Variants in SLC28A3 observed in about 807,000 individuals in gnomAD.
SLC28A3 encodes concentrative Na(+)-nucleoside cotransporter 3.
A neutral mutation model predicts 84.2 loss-of-function variants in SLC28A3; 68 were observed. That is an observed-to-expected ratio of 0.81 (90% confidence interval 0.66 to 0.99). The LOEUF (loss-of-function observed/expected upper bound fraction) is 0.99. Ranked by LOEUF, SLC28A3 falls within the 50% of genes least tolerant of loss-of-function variation. The pLI is 0.00. For missense variants in SLC28A3, 712 were observed against 841.5 expected, an observed-to-expected ratio of 0.85 and a Z score of 1.90; for synonymous variants, 267 against 303.6, an observed-to-expected ratio of 0.88 and a Z score of 1.25.
the SLC28A3 span, among the ~76,000 whole-genome samples, chr9:84,348,838 G>T: frequency 2.0e-5 from 3 of 152,140 alleles, no homozygotes; most frequent in African/African-American, 7.2e-5. Flanking sequence ...GCAGCACAAA[G>T]GCCCTCTCCA....
At chr9:84,294,137 T>G in intron 9 of SLC28A3, 58 bp downstream of exon 9, 1 of 1,545,384 alleles carries the variant, frequency 6.5e-7, no homozygotes, top group South Asian at 1.2e-5. Flanking sequence ...CCTTGAGGAC[T>G]TCGTGCCTGA....
At chr9:84,299,446 G>A in intron 6 of SLC28A3, 135 bp downstream of exon 6, 1 of 1,105,674 alleles carries the variant, frequency 9.0e-7, no homozygotes, top group Non-Finnish European at 1.3e-6. Flanking sequence ...AGGGCACCCT[G>A]GTCACGTTAA....
chr9:84,346,232 C>T, the SLC28A3 span, among the ~76,000 whole-genome samples: 1 of 152,176 alleles, frequency 6.6e-6, no homozygotes, highest in African/African-American at 2.4e-5. Context: ...AACTCATGGA[C>T]TGTCTACGCA....
intron 1 of SLC28A3, among the ~76,000 whole-genome samples, chr9:84,320,633 G>C (rs188735832): frequency 1.2e-4 from 18 of 152,186 alleles, no homozygotes; most frequent in African/African-American, 4.3e-4. Context: ...ACCTACTATG[G>C]GACGGACACT....
At chr9:84,281,013 C>T in intron 14 of SLC28A3, 131 bp from the exon 15 acceptor site, 1 of 797,686 alleles carries the variant, frequency 1.3e-6, no homozygotes, top group Non-Finnish European at 2.0e-6. Context: ...GTATCAAATA[C>T]CCATTACTCC....
intron 3 of SLC28A3, among the ~76,000 whole-genome samples, 192 bp downstream of exon 3, chr9:84,309,437 C>T (rs1224221423): frequency 3.5e-5 from 5 of 142,582 alleles, no homozygotes; most frequent in African/African-American, 5.3e-5. Context: ...ATGGGAGAAT[C>T]GCTTGAACTT....
At chr9:84,317,239 G>C (rs4877844) in intron 1 of SLC28A3, among the ~76,000 whole-genome samples, 54,439 of 152,024 alleles carry the variant, frequency 0.36, 13,943 homozygotes, top group African/African-American at 0.71. Flanking sequence ...ACACAGTAGT[G>C]TGCCTAGGAA....
chr9:84,323,899 G>A (rs898917225), intron 1 of SLC28A3, among the ~76,000 whole-genome samples: 5 of 151,844 alleles, frequency 3.3e-5, no homozygotes, highest in Admixed American at 6.6e-5. Context: ...CTGATCTCTC[G>A]CCAAGGTCTA....
At chr9:84,357,961 A>G in the SLC28A3 span, among the ~76,000 whole-genome samples, 4 of 152,222 alleles carry the variant, frequency 2.6e-5, no homozygotes, top group African/African-American at 4.8e-5. Context: ...AGGCAGATGT[A>G]CAGAGAATCC....
intron 3 of SLC28A3, among the ~76,000 whole-genome samples, chr9:84,308,802 G>A (rs1043733336): frequency 1.3e-5 from 2 of 152,140 alleles, no homozygotes; most frequent in Non-Finnish European, 2.9e-5. Flanking sequence ...TAGTTGACTT[G>A]GGGAAGTCAC....
At chr9:84,279,908 CA>C in intron 16 of SLC28A3, 66 bp downstream of exon 16, 1 of 1,478,876 alleles carries the variant, frequency 6.8e-7, no homozygotes. Context: ...AAGCTGGAGG[CA>C]CTGCCTGTCC....
chr9:84,342,127 C>CAAAAAAAA (rs200186519), upstream of SLC28A3, among the ~76,000 whole-genome samples: 52 of 68,720 alleles, frequency 7.6e-4, no homozygotes, highest in Middle Eastern at 8.3e-3. Context: ...GACCCTGTCT[C>CAAAAAAAA]AAAAAAAAAA....
chr9:84,359,057 G>A, the SLC28A3 span, among the ~76,000 whole-genome samples: 8 of 152,260 alleles, frequency 5.3e-5, no homozygotes, highest in South Asian at 2.1e-4. Context: ...GCCTGCCTCC[G>A]CCTCCTAAAG....
At position 84,337,103 on chromosome 9, in the gene SLC28A3, G is replaced by A. The variant is rs78922009; in HGVS notation, c.60+3471C>T. 6.5e-3 allele frequency among the ~76,000 whole-genome samples: 991 copies of A among 152,264 alleles called. 9 individuals carry two copies. Among genetic ancestry groups the A allele is most frequent in the African/African-American group, 0.023 (946 of 41,542 alleles). ...AGGCCAGGGTTTCAGACCAGCCCTG[G>A]TAAGATAGCAAGACAAAATATAAAA... On this transcript the variant is annotated intron_variant, in intron 1 of 17. Transcript: ENST00000376238.
chr9:84,358,988 G>A, the SLC28A3 span, among the ~76,000 whole-genome samples: 1 of 152,156 alleles, frequency 6.6e-6, no homozygotes, highest in Non-Finnish European at 1.5e-5. Flanking sequence ...ATTTTTGGCA[G>A]AGATGGAGGT....
At chr9:84,293,031 TA>T (rs1275844278) in intron 9 of SLC28A3, among the ~76,000 whole-genome samples, 3 of 152,250 alleles carry the variant, frequency 2.0e-5, no homozygotes, top group Admixed American at 1.3e-4. Context: ...TGACAATTGC[TA>T]ACATGCTTAT....
chr9:84,365,849 G>A, the SLC28A3 span, among the ~76,000 whole-genome samples: 2 of 152,260 alleles, frequency 1.3e-5, no homozygotes, highest in East Asian at 3.9e-4. Flanking sequence ...TTGGGAGTTC[G>A]AGACCAGCCT....
chr9:84,278,640 A>G (rs929464872), intron 17 of SLC28A3, among the ~76,000 whole-genome samples: 4 of 152,182 alleles, frequency 2.6e-5, no homozygotes, highest in Non-Finnish European at 4.4e-5. Context: ...TGATTTTGCA[A>G]ATTAAAACTG....
At chr9:84,358,631 C>A in the SLC28A3 span, among the ~76,000 whole-genome samples, 1,892 of 152,246 alleles carry the variant, frequency 0.012, 37 homozygotes, top group African/African-American at 0.043. Flanking sequence ...CTATGAAATT[C>A]TTGAAAGCAA....
Sources: gnomAD v4.1 joint callset for allele counts (sites outside exome capture counted in the v4.1 genomes callset) on GRCh38, gnomAD v4.1.1 for gene constraint, MANE v1.5 for transcripts, NCBI Gene and HGNC (gene_info 2026-07-23, HGNC 2026-07-21) for gene names.